JADE2: variants seen among roughly 807,000 people sequenced by gnomAD.
JADE2 encodes E3 ubiquitin-protein ligase Jade-2.
A neutral mutation model predicts 85.7 loss-of-function variants in JADE2; 13 were observed. The observed-to-expected ratio is 0.15, with a 90% confidence interval of 0.10 to 0.24. The LOEUF (loss-of-function observed/expected upper bound fraction) is 0.24. Ranked by LOEUF, JADE2 falls within the 10% of genes least tolerant of loss-of-function variation. JADE2 has a pLI of 1.00. For missense variants in JADE2, 846 were observed against 1,115.9 expected (o/e 0.76, Z 3.45); for synonymous variants, 440 against 456.1 (o/e 0.96, Z 0.45).
intron 4 of JADE2, among the ~76,000 whole-genome samples, chr5:134,558,818 A>G (rs908814445): frequency 8.5e-5 from 13 of 152,260 alleles, no homozygotes; most frequent in African/African-American, 3.1e-4. Flanking sequence ...GATTACAGGC[A>G]TGAGCCACCA....
intron 4 of JADE2, among the ~76,000 whole-genome samples, chr5:134,558,643 A>G (rs1201563194): frequency 1.3e-5 from 2 of 152,190 alleles, no homozygotes; most frequent in Non-Finnish European, 2.9e-5. Context: ...GGTTCAAGCA[A>G]TTCTTCTGCC....
chr5:134,561,799 G>C (rs1763339321), intron 6 of JADE2, among the ~76,000 whole-genome samples: 1 of 152,056 alleles, frequency 6.6e-6, no homozygotes, highest in Non-Finnish European at 1.5e-5. Context: ...CTTCTTCATG[G>C]GTCCCTGTGT....
In JADE2 at chr5:134,545,976, T is replaced by C. The variant is rs890691387; in HGVS notation, c.154-6076T>C. ...CTGGCCAAAGCCATTTTAATTGGCT[T>C]TGGGACAGTGACCAAGACCAGTTTC... On this transcript the variant is annotated intron_variant, in intron 3 of 11. Transcript: ENST00000681547. Among the ~76,000 whole-genome samples, 3 of 152,118 alleles carry C rather than the reference T, an allele frequency of 2.0e-5. No homozygotes were observed. In the East Asian group the frequency reaches 5.8e-4, roughly 29 times the overall value.
intron 9 of JADE2, among the ~76,000 whole-genome samples, chr5:134,571,768 C>T (rs1163710138): frequency 6.6e-6 from 1 of 152,234 alleles, no homozygotes; most frequent in African/African-American, 2.4e-5. Context: ...ACCTGGCCTC[C>T]TCCCTTGCCA....
intron 11 of JADE2, among the ~76,000 whole-genome samples, chr5:134,577,534 G>C (rs563432988): frequency 6.6e-6 from 1 of 152,288 alleles, no homozygotes; most frequent in Non-Finnish European, 1.5e-5. Flanking sequence ...TCTGTCTCAA[G>C]AAGGGGACAA....
At chr5:134,545,537 C>T (rs1425174106) in intron 3 of JADE2, among the ~76,000 whole-genome samples, 3 of 151,874 alleles carry the variant, frequency 2.0e-5, no homozygotes, top group Non-Finnish European at 4.4e-5. Flanking sequence ...CATAAGTTTG[C>T]TCTTGGCTGG....
chr5:134,571,097 G>A (rs1380144735), intron 9 of JADE2, among the ~76,000 whole-genome samples: 1 of 152,218 alleles, frequency 6.6e-6, no homozygotes, highest in East Asian at 1.9e-4. Context: ...CCCAGCTTCT[G>A]GTGGTTGCCA....
chr5:134,560,633 AACCCTCCCAGACATCT>A, intron 5 of JADE2, 97 bp from the exon 6 acceptor site: 1 of 872,162 alleles, frequency 1.1e-6, no homozygotes, highest in Non-Finnish European at 1.8e-6. Flanking sequence ...GGTGGGCAGA[AACCCTCCCAGACATCT>A]GCCCTGAATT....
chr5:134,560,703 G>C (rs1252090826), intron 5 of JADE2, 43 bp from the exon 6 acceptor site: 17 of 1,551,198 alleles, frequency 1.1e-5, no homozygotes, highest in Middle Eastern at 1.8e-4. Context: ...CTCAAAGGAG[G>C]CTGGGCTCCT....
At chr5:134,526,839 G>T in intron 1 of JADE2, 1 of 854,554 alleles carries the variant, frequency 1.2e-6, no homozygotes, top group Non-Finnish European at 1.4e-6. Context: ...GGGCCGCGCG[G>T]TAGTCCAGCT....
At chr5:134,533,390 A>T in intron 1 of JADE2, 1 of 259,538 alleles carries the variant, frequency 3.9e-6, no homozygotes, top group Non-Finnish European at 6.0e-6. Context: ...AAGGACATTT[A>T]TGTAAAAAGC....
At chr5:134,563,936 G>A (rs1004710959) in intron 7 of JADE2, among the ~76,000 whole-genome samples, 24 of 152,154 alleles carry the variant, frequency 1.6e-4, no homozygotes, top group Admixed American at 7.2e-4. Flanking sequence ...AGTAGACTTG[G>A]GCATAGTTGT....
chr5:134,569,445 C>T (rs548310945), intron 9 of JADE2, among the ~76,000 whole-genome samples: 1 of 152,376 alleles, frequency 6.6e-6, no homozygotes, highest in Admixed American at 6.5e-5. Flanking sequence ...TGGGCCTCGG[C>T]CCCAGCGGAC....
At chr5:134,561,399 G>T (rs1024255351) in intron 6 of JADE2, among the ~76,000 whole-genome samples, 1 of 152,254 alleles carries the variant, frequency 6.6e-6, no homozygotes. Context: ...ATAAATAAGA[G>T]TGGATTGTTG....
At position 134,559,878 on chromosome 5, in the gene JADE2, C is replaced by G; in HGVS notation, c.360C>G (p.Ser120Arg). 6.2e-7 allele frequency: 1 copy of G among 1,613,994 alleles called. No individual in the cohort carries two copies. The highest frequency in any genetic ancestry group is 8.5e-7 in the Non-Finnish European group (1 of 1,179,932). Residue 120 changes from serine to arginine, a missense_variant, in exon 5 of 12, where the codon AGC becomes AGG. Transcript: ENST00000681547. ...EGPPAQASPS[S>R]TMLGEGSQPD... is the part of the protein sequence containing the mutation. The stretch of plus-strand genomic sequence containing the variant: ...CCCCTGCCCAGGCATCCCCGAGCAG[C>G]ACCATGCTTGGTGAGGGCTCCCAGC...
chr5:134,550,073 A>G (rs1369302684), intron 3 of JADE2, among the ~76,000 whole-genome samples: 2 of 152,246 alleles, frequency 1.3e-5, no homozygotes, highest in Non-Finnish European at 2.9e-5. Flanking sequence ...CTGTCTTACT[A>G]CTTGCTAATA....
chr5:134,536,308 T>A (rs1761583744), intron 2 of JADE2, among the ~76,000 whole-genome samples: 1 of 152,164 alleles, frequency 6.6e-6, no homozygotes, highest in East Asian at 1.9e-4. Context: ...CATTTCCCAA[T>A]CAGTGGTAAG....
Position 134,573,732 on chromosome 5 carries a change from A to G in JADE2, c.1522A>G (p.Met508Val), listed in dbSNP as rs759115120. 6.2e-7 allele frequency: 1 copy of G among 1,612,910 alleles called. No homozygotes were observed. Among genetic ancestry groups the G allele is most frequent in the Non-Finnish European group, 8.5e-7 (1 of 1,178,802 alleles). Reference protein sequence around the residue: ...KLQEQIFHLQMKLIEQDLCRE... With the variant: ...KLQEQIFHLQVKLIEQDLCRE... Reference sequence around the variant, plus strand: ...CCAGGAGCAGATATTCCACCTGCAGATGAAACTTATTGAACAGGATCTGTG... The same window carrying G: ...CCAGGAGCAGATATTCCACCTGCAGGTGAAACTTATTGAACAGGATCTGTG... The change falls in exon 10 of 12, where the codon ATG (methionine) becomes GTG (valine). Residue 508 changes from methionine (M) to valine (V), a missense_variant. Met to Val is a conservative substitution (Grantham distance 21, BLOSUM62 1). Coordinates refer to ENST00000681547, the MANE Select transcript of JADE2 (RefSeq NM_001388185.1).
intron 8 of JADE2, among the ~76,000 whole-genome samples, chr5:134,564,819 C>G (rs1003456344): frequency 6.6e-6 from 1 of 152,164 alleles, no homozygotes; most frequent in African/African-American, 2.4e-5. Flanking sequence ...GGAACAGACC[C>G]GGGGAACCAA....
Sources: allele counts gnomAD v4.1 joint callset (sites outside exome capture counted in the v4.1 genomes callset), GRCh38; gene constraint gnomAD v4.1.1; transcripts MANE v1.5; gene names NCBI Gene and HGNC (gene_info 2026-07-23, HGNC 2026-07-21).